Variants in CMIP observed in about 807,000 individuals in gnomAD.
CMIP encodes c-Maf inducing protein.
Under a neutral mutation model 97.3 loss-of-function variants are expected in CMIP, and 13 were observed. The ratio of observed to expected loss-of-function variants is 0.13; its 90% CI spans 0.09 to 0.21. The LOEUF is 0.21. CMIP is among the 10% of genes least tolerant of loss of function. CMIP has a pLI of 1.00. For missense variants in CMIP, 847 were observed against 1,024.9 expected, an observed-to-expected ratio of 0.83 and a Z score of 2.37; for synonymous variants, 538 against 436.3, an observed-to-expected ratio of 1.23 and a Z score of -2.91.
chr16:81,540,621 C>T (rs2090430092), intron 1 of CMIP, among the ~76,000 whole-genome samples: 1 of 147,264 alleles, frequency 6.8e-6, no homozygotes, highest in Non-Finnish European at 1.5e-5. Flanking sequence ...TCTTTGAAGC[C>T]AGTTAAATGT....
intron 1 of CMIP, among the ~76,000 whole-genome samples, chr16:81,535,182 C>T (rs954182587): frequency 1.2e-4 from 19 of 152,148 alleles, no homozygotes; most frequent in African/African-American, 4.6e-4. Flanking sequence ...GATCTCCTGA[C>T]CTAGTGATCT....
intron 1 of CMIP, among the ~76,000 whole-genome samples, chr16:81,593,744 C>G (rs1283116240): frequency 6.6e-6 from 1 of 152,148 alleles, no homozygotes; most frequent in Non-Finnish European, 1.5e-5. Flanking sequence ...TGTAGCCTCT[C>G]CCATCTGCTT....
intron 2 of CMIP, chr16:81,617,072 CG>C (rs1216682216): frequency 1.3e-5 from 2 of 152,346 alleles, no homozygotes; most frequent in African/African-American, 4.8e-5. Flanking sequence ...GGAGCACCAA[CG>C]GTGTGACCAG....
rs560658803 is a variant in CMIP, at chr16:81,474,593, C to T, written c.300+29052C>T. On this transcript the variant is annotated intron_variant, in intron 1 of 20. Transcript: ENST00000537098. ...GTCAGAGGAGCAGGGAGCCCCAGCC[C>T]CTGGTGTCTTCTTACTGTGTGGTCT... is the stretch of plus-strand genomic sequence containing the variant. Among the ~76,000 whole-genome samples, 7 of 152,314 alleles carry T rather than the reference C, an allele frequency of 4.6e-5. No homozygotes were observed. The East Asian group carries it at 5.8e-4, about 13-fold the overall frequency.
chr16:81,467,636 A>C (rs141819246), intron 1 of CMIP, among the ~76,000 whole-genome samples: 1 of 146,098 alleles, frequency 6.8e-6, no homozygotes, highest in Admixed American at 6.9e-5. Flanking sequence ...GCTGGAGTGC[A>C]GTGGCATGAT....
intron 1 of CMIP, among the ~76,000 whole-genome samples, chr16:81,575,919 G>T (rs369453484): frequency 1.3e-5 from 2 of 152,242 alleles, no homozygotes; most frequent in South Asian, 2.1e-4. Flanking sequence ...TAGTAGACTG[G>T]CTAAACTGTA....
chr16:81,691,892 G>T, intron 11 of CMIP, 52 bp downstream of exon 11: 2 of 1,496,166 alleles, frequency 1.3e-6, no homozygotes, highest in Middle Eastern at 1.7e-4. Context: ...ACAAACCTCA[G>T]TTGTCCACCA....
intron 1 of CMIP, among the ~76,000 whole-genome samples, chr16:81,524,797 CTT>C (rs35008790): frequency 1.0e-4 from 15 of 144,650 alleles, no homozygotes; most frequent in Admixed American, 1.4e-4. Context: ...TCTTTTCTTT[CTT>C]TTTTTTTTTT....
chr16:81,628,956 G>A (rs1243018223), intron 3 of CMIP, among the ~76,000 whole-genome samples: 2 of 151,534 alleles, frequency 1.3e-5, no homozygotes, highest in Non-Finnish European at 2.9e-5. Flanking sequence ...GCCAACATGG[G>A]GAAACCCTGT....
At chr16:81,617,734 G>A (rs909928591) in intron 2 of CMIP, among the ~76,000 whole-genome samples, 1 of 152,204 alleles carries the variant, frequency 6.6e-6, no homozygotes, top group African/African-American at 2.4e-5. Context: ...ACCTAGCTGT[G>A]GAATCAGAAA....
At chr16:81,579,716 A>C (rs2091262972) in intron 1 of CMIP, among the ~76,000 whole-genome samples, 1 of 122,692 alleles carries the variant, frequency 8.2e-6, no homozygotes. Context: ...GAGTTCTGCC[A>C]CTTAAAAAAA....
At chr16:81,565,595 C>T (rs1394187439) in intron 1 of CMIP, among the ~76,000 whole-genome samples, 1 of 152,234 alleles carries the variant, frequency 6.6e-6, no homozygotes, top group East Asian at 1.9e-4. Context: ...CTGGACTGGT[C>T]AACTGTGGCT....
chr16:81,682,878 C>A (rs74910057), intron 10 of CMIP, among the ~76,000 whole-genome samples: 1 of 152,018 alleles, frequency 6.6e-6, no homozygotes. Flanking sequence ...ATTCCAAATG[C>A]GGGTCGAGGT....
At chr16:81,456,573 C>A (rs571753929) in intron 1 of CMIP, among the ~76,000 whole-genome samples, 384 of 152,324 alleles carry the variant, frequency 2.5e-3, no homozygotes, top group African/African-American at 7.9e-3. Context: ...TCATCTAATC[C>A]TCACGATGCC....
intron 1 of CMIP, among the ~76,000 whole-genome samples, chr16:81,573,215 G>T (rs1334389319): frequency 6.6e-6 from 1 of 152,068 alleles, no homozygotes; most frequent in African/African-American, 2.4e-5. Flanking sequence ...GTGGTGGCGG[G>T]CACCTGTAAT....
intron 1 of CMIP, chr16:81,517,922 C>T (rs1285413945): frequency 1.3e-5 from 13 of 984,170 alleles, no homozygotes; most frequent in Non-Finnish European, 1.6e-5. Context: ...CTGCCACAGC[C>T]ACGAGATTCA....
chr16:81,665,769 C>G (rs1428336277), intron 7 of CMIP: 2 of 152,268 alleles, frequency 1.3e-5, no homozygotes. Context: ...GACACATGTG[C>G]TCCTCTACCC....
At position 81,474,173 on chromosome 16, in the gene CMIP, C is replaced by A. The variant is rs880795; in HGVS notation, c.300+28632C>A. ...CTCCTAGCCCACTGTACTCAGGTTC[C>A]CCCCTGCTCAGAGCTTGTGGGCGTG... On this transcript the variant is annotated intron_variant, in intron 1 of 20. Transcript: ENST00000537098. Among the ~76,000 whole-genome samples the A allele has an allele frequency of 4.6e-5, 7 of 151,968 alleles. No individual in the cohort carries two copies. In the South Asian group the frequency reaches 1.5e-3, roughly 32 times the overall value.
intron 1 of CMIP, among the ~76,000 whole-genome samples, chr16:81,511,926 A>G (rs1012073939): frequency 1.3e-5 from 2 of 152,218 alleles, no homozygotes; most frequent in African/African-American, 4.8e-5. Flanking sequence ...GTCGCTGAGC[A>G]CTTGAAATGA....
Sources: allele counts gnomAD v4.1 joint callset (sites outside exome capture counted in the v4.1 genomes callset), GRCh38; gene constraint gnomAD v4.1.1; transcripts MANE v1.5; gene names NCBI Gene and HGNC (gene_info 2026-07-23, HGNC 2026-07-21).